The following PLXDC2 variants were observed in gnomAD, a reference collection of about 807,000 sequenced individuals.
The protein encoded by PLXDC2 is plexin domain containing 2.
In PLXDC2, 40 loss-of-function variants were observed where a neutral mutation model predicts 68.9. The observed-to-expected ratio is 0.58, with a 90% CI of 0.45 to 0.76. The LOEUF (loss-of-function observed/expected upper bound fraction) is 0.76. Ranked by LOEUF, PLXDC2 falls within the 30% of genes least tolerant of loss-of-function variation. PLXDC2 has a pLI of 0.00. For missense variants in PLXDC2, 644 were observed against 661.9 expected (o/e 0.97, Z 0.30); for synonymous variants, 243 against 234.2 (o/e 1.04, Z -0.34).
rs368591659 is a variant in PLXDC2, at chr10:20,015,895, G to T, written c.324+13909G>T. On this transcript the variant is annotated intron_variant, in intron 2 of 13. Transcript: ENST00000377252. The stretch of plus-strand genomic sequence containing the variant: ...ACTCTCCTTTCTTATTGGCAAATTT[G>T]CCCTCTCAACCAAGTATTTCTTTTT... Among the ~76,000 whole-genome samples, 16 of 152,162 alleles carry T rather than the reference G, an allele frequency of 1.1e-4. No individual in the cohort carries two copies. The East Asian group carries it at 2.1e-3, about 20-fold the overall frequency.
chr10:20,017,268 C>G (rs970046220), intron 2 of PLXDC2, among the ~76,000 whole-genome samples: 1 of 152,142 alleles, frequency 6.6e-6, no homozygotes, highest in Non-Finnish European at 1.5e-5. Flanking sequence ...GCAGGGGCCA[C>G]TGGGCAGCTA....
At chr10:20,127,821 C>G (rs994747808) in intron 4 of PLXDC2, among the ~76,000 whole-genome samples, 3 of 152,086 alleles carry the variant, frequency 2.0e-5, no homozygotes, top group Non-Finnish European at 4.4e-5. Flanking sequence ...AAGACCCCAT[C>G]TCTTAAACAA....
At chr10:19,866,532 A>G (rs1837419993) in intron 1 of PLXDC2, among the ~76,000 whole-genome samples, 1 of 152,212 alleles carries the variant, frequency 6.6e-6, no homozygotes, top group Admixed American at 6.5e-5. Flanking sequence ...CTTAAAGTCA[A>G]TTGATGAGTA....
chr10:20,221,527 C>T (rs1835212255), intron 12 of PLXDC2, among the ~76,000 whole-genome samples: 1 of 152,182 alleles, frequency 6.6e-6, no homozygotes, highest in Non-Finnish European at 1.5e-5. Context: ...GCAGTTAGAA[C>T]AGACCAGCCT....
intron 1 of PLXDC2, among the ~76,000 whole-genome samples, chr10:19,831,115 G>T (rs1469810419): frequency 6.6e-6 from 1 of 151,898 alleles, no homozygotes; most frequent in Non-Finnish European, 1.5e-5. Context: ...CATTTGATAG[G>T]GCATATTATC....
At chr10:20,049,663 A>T (rs1334849532) in intron 3 of PLXDC2, among the ~76,000 whole-genome samples, 2 of 152,010 alleles carry the variant, frequency 1.3e-5, no homozygotes, top group Non-Finnish European at 2.9e-5. Context: ...GGAAGTGAAA[A>T]ATCTCTACAA....
intron 1 of PLXDC2, among the ~76,000 whole-genome samples, chr10:19,920,818 T>C (rs926703353): frequency 2.0e-5 from 3 of 152,214 alleles, no homozygotes; most frequent in Non-Finnish European, 4.4e-5. Flanking sequence ...TAATCCTCCC[T>C]AAGTGCTGAG....
At chr10:20,032,732 G>T (rs1329573678) in intron 2 of PLXDC2, among the ~76,000 whole-genome samples, 1 of 151,910 alleles carries the variant, frequency 6.6e-6, no homozygotes, top group Non-Finnish European at 1.5e-5. Flanking sequence ...TGTAGTGCTA[G>T]TGAAGCTACT....
chr10:20,060,768 A>G (rs894679404), intron 3 of PLXDC2, among the ~76,000 whole-genome samples: 5 of 152,298 alleles, frequency 3.3e-5, no homozygotes, highest in East Asian at 3.9e-4. Flanking sequence ...TTATGTTGTT[A>G]TGTCTACTAA....
In PLXDC2 at chr10:20,282,849, G is replaced by T. The variant is rs1441915062; in HGVS notation, c.*3030G>T. ...CCCCCAATTACTATTTTAGTTTGAG[G>T]TATCAAGGGCATTTGCCAATCTCTT... On this transcript the variant is annotated 3_prime_UTR_variant, in exon 14 of 14. Coordinates refer to ENST00000377252, the MANE Select transcript of PLXDC2 (RefSeq NM_032812.9). The T allele has an allele frequency of 1.3e-5, 2 of 152,148 alleles. No individual in the cohort carries two copies. The highest frequency in any genetic ancestry group is 3.8e-4 in the East Asian group (2 of 5,202). The allele number at this position is 152,148 out of a possible 1,614,324, so 9.4% of individuals were successfully genotyped here.
intron 4 of PLXDC2, among the ~76,000 whole-genome samples, chr10:20,085,821 A>G (rs1252454716): frequency 1.3e-5 from 2 of 152,192 alleles, no homozygotes; most frequent in Admixed American, 1.3e-4. Flanking sequence ...GACTGCCTTT[A>G]TATAACATCT....
chr10:20,190,262 G>A (rs1299299397), intron 9 of PLXDC2, among the ~76,000 whole-genome samples: 1 of 151,856 alleles, frequency 6.6e-6, no homozygotes, highest in Non-Finnish European at 1.5e-5. Flanking sequence ...GAGCATTTTA[G>A]TGAAAATTAT....
In PLXDC2 at chr10:20,061,091, A is replaced by C. The variant is rs556233733; in HGVS notation, c.472-7079A>C. Among the ~76,000 whole-genome samples, 14 of 152,262 alleles carry C rather than the reference A, an allele frequency of 9.2e-5. No homozygotes were observed. The South Asian group carries it at 2.9e-3, about 32-fold the overall frequency. On this transcript the variant is annotated intron_variant, in intron 3 of 13. Coordinates refer to ENST00000377252, the MANE Select transcript of PLXDC2 (RefSeq NM_032812.9). ...ATTTCACCTAGTGCCATAAATTTTA[A>C]CTCCTTATATACTCGTGGTACCATT...
Position 19,987,621 on chromosome 10 carries a change from G to T in PLXDC2, c.113-14154G>T, listed in dbSNP as rs779179616. Among the ~76,000 whole-genome samples the T allele has an allele frequency of 2.7e-4, 41 of 151,686 alleles. 1 individual carries two copies. The highest frequency in any genetic ancestry group is 4.7e-4 in the Non-Finnish European group (32 of 67,938). ...CTGTCACCCAGGCTGGAGTGCAGTG[G>T]CGCGATCTCGGCTCACTGCAAGCTC... On this transcript the variant is annotated intron_variant, in intron 1 of 13. Coordinates refer to ENST00000377252, the MANE Select transcript of PLXDC2 (RefSeq NM_032812.9).
rs966170289 is a variant in PLXDC2, at chr10:20,176,904, G to A, written c.884-95G>A. On this transcript the variant is annotated intron_variant, in intron 7 of 13. Coordinates refer to ENST00000377252, the MANE Select transcript of PLXDC2 (RefSeq NM_032812.9). ...AGGCTTAATTTTAAAACCACATTGG[G>A]CTATATGTATATAATTCTATATCCA... The A allele has an allele frequency of 1.3e-5, 11 of 841,462 alleles. No homozygotes were observed. In the African/African-American group the frequency reaches 1.4e-4, roughly 10 times the overall value. The allele number at this position is 841,462 out of a possible 1,614,324, so 52.1% of individuals were successfully genotyped here.
At chr10:19,998,144 C>T (rs944749163) in intron 1 of PLXDC2, among the ~76,000 whole-genome samples, 6 of 152,146 alleles carry the variant, frequency 3.9e-5, no homozygotes, top group Non-Finnish European at 8.8e-5. Context: ...TTTGTTTTTA[C>T]TGCAGCTGGA....
At chr10:19,827,948 T>C (rs1836605828) in intron 1 of PLXDC2, among the ~76,000 whole-genome samples, 1 of 152,206 alleles carries the variant, frequency 6.6e-6, no homozygotes, top group Non-Finnish European at 1.5e-5. Context: ...GAGGTTTTCT[T>C]ATCACATCAT....
chr10:20,254,668 G>C (rs1351981715), intron 13 of PLXDC2, among the ~76,000 whole-genome samples: 1 of 152,104 alleles, frequency 6.6e-6, no homozygotes, highest in Non-Finnish European at 1.5e-5. Context: ...AAACACATCT[G>C]ACATGGTTTG....
intron 13 of PLXDC2, among the ~76,000 whole-genome samples, chr10:20,271,132 G>GACACACACAC (rs55677642): frequency 1.1e-3 from 109 of 97,842 alleles, no homozygotes; most frequent in African/African-American, 3.2e-3. Context: ...ACAAAAAACA[G>GACACACACAC]ACACACACAC....
Sources: gnomAD v4.1 joint callset for allele counts (sites outside exome capture counted in the v4.1 genomes callset) on GRCh38, gnomAD v4.1.1 for gene constraint, MANE v1.5 for transcripts, NCBI Gene and HGNC (gene_info 2026-07-23, HGNC 2026-07-21) for gene names.